Variants in FAM13A observed in about 807,000 individuals in gnomAD.
The protein encoded by FAM13A is family with sequence similarity 13 member A.
A neutral mutation model predicts 129.6 loss-of-function variants in FAM13A; 76 were observed. The ratio of observed to expected loss-of-function variants is 0.59; its 90% CI spans 0.49 to 0.71. The LOEUF (loss-of-function observed/expected upper bound fraction) is 0.71, where lower values mean the gene tolerates loss of function less well. FAM13A is among the 30% of genes least tolerant of loss of function. The pLI is 0.00. For missense variants in FAM13A, 1,108 were observed against 1,249.3 expected, an observed-to-expected ratio of 0.89 and a Z score of 1.70; for synonymous variants, 443 against 449.9, an observed-to-expected ratio of 0.98 and a Z score of 0.20.
intron 6 of FAM13A, among the ~76,000 whole-genome samples, chr4:88,877,524 T>C (rs1055986622): frequency 2.0e-4 from 31 of 152,206 alleles, no homozygotes; most frequent in African/African-American, 6.8e-4. Context: ...CTTGCAAAAT[T>C]TGAATATATC....
intron 6 of FAM13A, among the ~76,000 whole-genome samples, chr4:88,887,774 C>G (rs1385906220): frequency 6.6e-6 from 1 of 152,162 alleles, no homozygotes; most frequent in Non-Finnish European, 1.5e-5. Context: ...CTCCAGTGAT[C>G]TGCTTGCCTT....
chr4:88,801,034 T>C (rs992344804), intron 8 of FAM13A, among the ~76,000 whole-genome samples: 1 of 152,034 alleles, frequency 6.6e-6, no homozygotes, highest in Non-Finnish European at 1.5e-5. Flanking sequence ...TTAAAGCTAA[T>C]GAAGCATAAT....
chr4:88,956,751 A>G (rs1757808630), intron 4 of FAM13A, among the ~76,000 whole-genome samples: 1 of 152,160 alleles, frequency 6.6e-6, no homozygotes, highest in Admixed American at 6.5e-5. Flanking sequence ...TCTAGCTTCT[A>G]GAGATCTCCT....
At chr4:88,737,688 C>A in intron 20 of FAM13A, 133 bp from the exon 21 acceptor site, 1 of 722,404 alleles carries the variant, frequency 1.4e-6, no homozygotes, top group African/African-American at 1.8e-5. Context: ...GCCAAACACT[C>A]CCAGGAAAAC....
chr4:88,996,429 G>C (rs920338281), intron 3 of FAM13A, among the ~76,000 whole-genome samples: 1 of 152,192 alleles, frequency 6.6e-6, no homozygotes, highest in Non-Finnish European at 1.5e-5. Context: ...GTTAGACGTG[G>C]GGGCGGATTC....
chr4:89,046,436 A>C (rs1027027797), intron 1 of FAM13A, among the ~76,000 whole-genome samples: 1 of 150,348 alleles, frequency 6.7e-6, no homozygotes, highest in Admixed American at 6.6e-5. Flanking sequence ...AATAACAGTC[A>C]CTTCTATTGA....
chr4:88,840,558 G>T (rs1735645028), intron 7 of FAM13A, among the ~76,000 whole-genome samples: 1 of 152,026 alleles, frequency 6.6e-6, no homozygotes, highest in East Asian at 1.9e-4. Flanking sequence ...ACATGTACGT[G>T]ACTCTAGAGA....
rs772678597 is a variant in FAM13A at position 88,732,126 on chromosome 4, T to C, written c.2719A>G (p.Ser907Gly). ...DFMVTLKTDF[S>G]ARCFLDQFED... Reference sequence around the variant, plus strand: ...AATTGGTCCAGAAAGCATCGTGCACTGAAATCGGTTTTCAGAGTGACCATG... The same window carrying C: ...AATTGGTCCAGAAAGCATCGTGCACCGAAATCGGTTTTCAGAGTGACCATG... The change falls in exon 22 of 24, where the codon AGT becomes GGT. Residue 907 changes from serine (S) to glycine (G), a missense_variant. Ser to Gly is a moderately conservative substitution (Grantham distance 56). Transcript: ENST00000264344. 1.9e-6 allele frequency: 3 copies of C among 1,613,994 alleles called. No individual in the cohort carries two copies. The highest frequency in any genetic ancestry group is 2.5e-6 in the Non-Finnish European group (3 of 1,179,890).
chr4:88,936,537 C>T (rs1336327025), intron 5 of FAM13A: 1 of 152,302 alleles, frequency 6.6e-6, no homozygotes, highest in East Asian at 1.9e-4. Context: ...GAAGGATCCG[C>T]CCTCATGATC....
chr4:88,839,422 T>G (rs1187331584), intron 7 of FAM13A, among the ~76,000 whole-genome samples: 1 of 152,218 alleles, frequency 6.6e-6, no homozygotes, highest in Non-Finnish European at 1.5e-5. Context: ...CAAATAAAAT[T>G]GAAGTTCCTG....
At chr4:89,042,689 C>T (rs1264136736) in intron 1 of FAM13A, among the ~76,000 whole-genome samples, 2 of 152,104 alleles carry the variant, frequency 1.3e-5, no homozygotes, top group African/African-American at 4.8e-5. Flanking sequence ...AATCTTTAAA[C>T]ATTCACAGAA....
At position 88,875,175 on chromosome 4, in the gene FAM13A, A is replaced by G. The variant is rs1202761169; in HGVS notation, c.844-23992T>C. ...TTAAAGACTTAAATGTTAGACCTAA[A>G]ACCATAAAAACCCTAGAAGAAAACC... On this transcript the variant is annotated intron_variant, in intron 6 of 23. Coordinates refer to ENST00000264344, the MANE Select transcript of FAM13A (RefSeq NM_014883.4). 2.0e-5 allele frequency among the ~76,000 whole-genome samples: 3 copies of G among 152,348 alleles called. No homozygotes were observed. In the South Asian group the frequency reaches 6.2e-4, roughly 32 times the overall value.
chr4:89,049,718 G>A (rs1771304642), intron 1 of FAM13A, among the ~76,000 whole-genome samples: 2 of 152,018 alleles, frequency 1.3e-5, no homozygotes, highest in South Asian at 4.2e-4. Context: ...GTGCAGTGGT[G>A]CATCTCAGCT....
In FAM13A at chr4:88,906,525, C is replaced by G. The variant is rs1299778686; in HGVS notation, c.760-63G>C. 5.4e-6 allele frequency: 6 copies of G among 1,115,954 alleles called. No individual in the cohort carries two copies. In the African/African-American group the frequency reaches 8.0e-5, roughly 15 times the overall value. 69.1% of individuals were successfully genotyped at this position (1,115,954 alleles called of 1,614,324 possible). A position where few individuals can be genotyped will look rare whatever the true frequency, so the allele number is the denominator to read the frequency against. Reference sequence around the variant, plus strand: ...GAACACTTACCCTAACCAAAAATTACAAGGTAGTGAAAAACAGTTTTGAAG... The same window carrying G: ...GAACACTTACCCTAACCAAAAATTAGAAGGTAGTGAAAAACAGTTTTGAAG... On this transcript the variant is annotated intron_variant, in intron 5 of 23. Transcript: ENST00000264344.
At chr4:88,977,303 G>T (rs1244234719) in intron 4 of FAM13A, among the ~76,000 whole-genome samples, 1 of 152,128 alleles carries the variant, frequency 6.6e-6, no homozygotes, top group African/African-American at 2.4e-5. Context: ...CGAACAGGTA[G>T]GTAGCACATA....
In FAM13A at chr4:88,945,990, G is replaced by GTATATATATATATATATATA. The variant is rs199936059; in HGVS notation, c.606-7769_606-7750dup. ...TGTGTGTGTGTGTGTGTGTGTGTGT[G>GTATATATATATATATATATA]TATATATATATATATATATATATAT... On this transcript the variant is annotated intron_variant, in intron 4 of 23. Transcript: ENST00000264344. Among the ~76,000 whole-genome samples the GTATATATATATATATATATA allele has an allele frequency of 1.3e-3, 79 of 61,848 alleles. 1 individual carries two copies. Among genetic ancestry groups the GTATATATATATATATATATA allele is most frequent in the Non-Finnish European group, 1.6e-3 (54 of 34,634 alleles). The allele number at this position is 61,848 out of a possible 152,430, so 40.6% of individuals were successfully genotyped here.
chr4:88,831,226 C>T (rs1022122130), intron 7 of FAM13A, among the ~76,000 whole-genome samples: 4 of 152,140 alleles, frequency 2.6e-5, no homozygotes, highest in Non-Finnish European at 5.9e-5. Flanking sequence ...CCAAATCTCC[C>T]GTGGGAGTCC....
At chr4:88,959,965 T>C (rs749271991) in intron 4 of FAM13A, among the ~76,000 whole-genome samples, 7 of 152,188 alleles carry the variant, frequency 4.6e-5, no homozygotes, top group Non-Finnish European at 5.9e-5. Flanking sequence ...CCTTCCATTA[T>C]ACACAGTAGA....
At chr4:88,803,548 C>T (rs992868242) in intron 8 of FAM13A, among the ~76,000 whole-genome samples, 1 of 110,706 alleles carries the variant, frequency 9.0e-6, no homozygotes, top group Non-Finnish European at 1.9e-5. Flanking sequence ...ATATAATAAA[C>T]ATTTGTTATT....
Sources: gnomAD v4.1 joint callset for allele counts (sites outside exome capture counted in the v4.1 genomes callset) on GRCh38, gnomAD v4.1.1 for gene constraint, MANE v1.5 for transcripts, NCBI Gene and HGNC (gene_info 2026-07-23, HGNC 2026-07-21) for gene names.